Variants in SIRT1 observed in about 807,000 individuals in gnomAD.
SIRT1 encodes NAD-dependent protein deacetylase sirtuin-1.
SIRT1 carries 24 observed loss-of-function variants against 67.9 expected under a neutral mutation model. That is an observed-to-expected ratio of 0.35 (90% CI 0.26 to 0.50). The LOEUF (loss-of-function observed/expected upper bound fraction) is 0.50. Among genes scored for constraint, SIRT1 ranks in the 20% least tolerant of loss-of-function variants. The probability of loss-of-function intolerance (pLI) is 0.98; values close to 1 mark genes in which losing one functional copy is unlikely to be tolerated. For missense variants in SIRT1, 873 were observed against 937.2 expected (o/e 0.93, Z 0.89); for synonymous variants, 378 against 350.7 (o/e 1.08, Z -0.87).
At chr10:67,889,190 A>G in intron 3 of SIRT1, 67 bp downstream of exon 3, 1 of 1,481,286 alleles carries the variant, frequency 6.8e-7, no homozygotes, top group Non-Finnish European at 9.0e-7. Context: ...AGTAGGAAAC[A>G]TTTTTCTGGT....
In SIRT1 at chr10:67,917,781, T is replaced by C. The variant is rs2029968763; in HGVS notation, c.*1188T>C. On this transcript the variant is annotated 3_prime_UTR_variant, in exon 9 of 9. Transcript: ENST00000212015. ...ATGAATGAAACTAGTTCTTATAATT[T>C]ATCTTTATTTAAAAGCTTAGCCTGC... 1 of 152,754 alleles carries C rather than the reference T, an allele frequency of 6.5e-6. No homozygotes were observed. The highest frequency in any genetic ancestry group is 2.4e-5 in the African/African-American group (1 of 41,588). The allele number at this position is 152,754 out of a possible 1,614,324, so 9.5% of individuals were successfully genotyped here. A position where few individuals can be genotyped will look rare whatever the true frequency, so the allele number is the denominator to read the frequency against.
intron 5 of SIRT1, 142 bp from the exon 6 acceptor site, chr10:67,907,904 G>A: frequency 1.6e-6 from 1 of 624,312 alleles, no homozygotes; most frequent in Non-Finnish European, 2.7e-6. Flanking sequence ...GTGTTCTGAG[G>A]TTTAAAATCA....
intron 4 of SIRT1, among the ~76,000 whole-genome samples, chr10:67,894,062 C>T (rs560557669): frequency 6.6e-6 from 1 of 152,294 alleles, no homozygotes; most frequent in South Asian, 2.1e-4. Context: ...ATCTCTTGAA[C>T]TCCGGAGTTT....
chr10:67,915,602 T>C (rs2029886215), intron 8 of SIRT1, among the ~76,000 whole-genome samples: 1 of 152,218 alleles, frequency 6.6e-6, no homozygotes, highest in Non-Finnish European at 1.5e-5. Flanking sequence ...TACTGTAGAT[T>C]CACAGTGTCT....
rs143151381 is a variant in SIRT1, at chr10:67,909,207, G to A, written c.1171-49G>A. Reference sequence around the variant, plus strand: ...TGGAAATGTTGACTATTTCTAACTTGGGCTTACTCTTTGCTTCTCTACCTC... The same window carrying A: ...TGGAAATGTTGACTATTTCTAACTTAGGCTTACTCTTTGCTTCTCTACCTC... On this transcript the variant is annotated intron_variant, in intron 6 of 8. Coordinates refer to ENST00000212015, the MANE Select transcript of SIRT1 (RefSeq NM_012238.5). 4.7e-6 allele frequency: 6 copies of A among 1,266,148 alleles called. No individual in the cohort carries two copies. In the East Asian group the frequency reaches 1.2e-4, roughly 26 times the overall value. The allele number at this position is 1,266,148 out of a possible 1,614,324, so 78.4% of individuals were successfully genotyped here. A position where few individuals can be genotyped will look rare whatever the true frequency, so the allele number is the denominator to read the frequency against.
At chr10:67,898,861 C>T (rs1257683301) in intron 4 of SIRT1, among the ~76,000 whole-genome samples, 1 of 152,098 alleles carries the variant, frequency 6.6e-6, no homozygotes, top group Non-Finnish European at 1.5e-5. Context: ...GGCTGTTTTA[C>T]TTTGCTTTCA....
chr10:67,899,124 T>TA (rs1332616204), intron 4 of SIRT1, among the ~76,000 whole-genome samples: 3 of 152,082 alleles, frequency 2.0e-5, no homozygotes, highest in Admixed American at 6.6e-5. Context: ...AGTCTCCTGA[T>TA]ATGTTTTGTC....
At chr10:67,902,625 C>G (rs1200606805) in intron 4 of SIRT1, among the ~76,000 whole-genome samples, 3 of 152,164 alleles carry the variant, frequency 2.0e-5, no homozygotes, top group Admixed American at 2.0e-4. Flanking sequence ...TGAGGACTCT[C>G]CTTAGCAGGA....
intron 3 of SIRT1, among the ~76,000 whole-genome samples, chr10:67,889,819 T>G (rs1427845392): frequency 1.3e-5 from 2 of 152,174 alleles, no homozygotes; most frequent in African/African-American, 4.8e-5. Flanking sequence ...ACAAGTTTGT[T>G]TAACTTAAAT....
chr10:67,898,539 A>G lies in SIRT1; in HGVS notation c.942+6985A>G, dbSNP rs562338766. On this transcript the variant is annotated intron_variant, in intron 4 of 8. Coordinates refer to ENST00000212015, the MANE Select transcript of SIRT1 (RefSeq NM_012238.5). ...TCTAGAACAAGCTTATTAAAAATCA[A>G]CGTCAGTAAAAAGAAAATAGATGGT... is the stretch of plus-strand genomic sequence containing the variant. Among the ~76,000 whole-genome samples, 27 of 152,298 alleles carry G rather than the reference A, an allele frequency of 1.8e-4. No individual in the cohort carries two copies. In the East Asian group the frequency reaches 5.0e-3, roughly 28 times the overall value.
intron 4 of SIRT1, among the ~76,000 whole-genome samples, chr10:67,904,132 T>TGG (rs1564889896): frequency 3.9e-5 from 5 of 127,888 alleles, no homozygotes; most frequent in Admixed American, 3.7e-4. Flanking sequence ...TGTTTGTTTT[T>TGG]TTTTTTTTTT....
At chr10:67,907,952 A>G in intron 5 of SIRT1, 94 bp from the exon 6 acceptor site, 2 of 1,063,436 alleles carry the variant, frequency 1.9e-6, no homozygotes, top group Non-Finnish European at 2.8e-6. Context: ...AAACCCTCTT[A>G]ACATTTGTGA....
At chr10:67,886,895 G>A (rs562744621) in intron 1 of SIRT1, among the ~76,000 whole-genome samples, 15 of 151,014 alleles carry the variant, frequency 9.9e-5, no homozygotes, top group Admixed American at 8.6e-4. Flanking sequence ...TTAAAAGGTG[G>A]AGTTTCGCTC....
At position 67,895,738 on chromosome 10, in the gene SIRT1, T is replaced by TTG. The variant is rs1483720283; in HGVS notation, c.942+4185_942+4186insGT. On this transcript the variant is annotated intron_variant, in intron 4 of 8. Coordinates refer to ENST00000212015, the MANE Select transcript of SIRT1 (RefSeq NM_012238.5). ...TGATTATTGAGAATTAACTTGTTTT[T>TTG]TTTTTTTTTGTTTTTTTTTTTTGAG... Among the ~76,000 whole-genome samples the TTG allele has an allele frequency of 4.6e-5, 4 of 86,274 alleles. 1 individual carries two copies. The highest frequency in any genetic ancestry group is 9.2e-5 in the African/African-American group (2 of 21,798). The allele number at this position is 86,274 out of a possible 152,430, so 56.6% of individuals were successfully genotyped here.
chr10:67,899,239 T>A (rs919601779), intron 4 of SIRT1, among the ~76,000 whole-genome samples: 1 of 151,868 alleles, frequency 6.6e-6, no homozygotes, highest in Non-Finnish European at 1.5e-5. Flanking sequence ...TTTGGCTGAT[T>A]TATCATGCCA....
chr10:67,905,869 C>T (rs1156675831), intron 4 of SIRT1, among the ~76,000 whole-genome samples: 1 of 152,172 alleles, frequency 6.6e-6, no homozygotes, highest in African/African-American at 2.4e-5. Flanking sequence ...CTACATATTC[C>T]ACTATTATGG....
chr10:67,893,827 G>A (rs1842611640), intron 4 of SIRT1, among the ~76,000 whole-genome samples: 1 of 152,204 alleles, frequency 6.6e-6, no homozygotes, highest in Non-Finnish European at 1.5e-5. Context: ...ACAGGTGCGA[G>A]GCACCGCGCC....
chr10:67,907,858 C>G (rs1589081565), intron 5 of SIRT1, among the ~76,000 whole-genome samples, 188 bp from the exon 6 acceptor site: 1 of 152,142 alleles, frequency 6.6e-6, no homozygotes, highest in South Asian at 2.1e-4. Flanking sequence ...TCTTCATCCC[C>G]TAGATTCTCC....
Position 67,912,714 on chromosome 10 carries a change from A to G in SIRT1, c.1598A>G (p.His533Arg). 2 of 1,614,174 alleles carry G rather than the reference A, an allele frequency of 1.2e-6. No homozygotes were observed. The highest frequency in any genetic ancestry group is 1.7e-6 in the Non-Finnish European group (2 of 1,180,042). ...YLSELPPTPL[H>R]VSEDSSSPER... Reference sequence around the variant, plus strand: ...TCAGAGTTGCCACCCACACCTCTTCATGTTTCAGAAGACTCAAGTTCACCA... The same window carrying G: ...TCAGAGTTGCCACCCACACCTCTTCGTGTTTCAGAAGACTCAAGTTCACCA... The change falls in exon 8 of 9, where the codon CAT becomes CGT. Residue 533 changes from histidine to arginine, a missense_variant. By Grantham distance (29) the His-to-Arg change is conservative (BLOSUM62 0). Coordinates refer to ENST00000212015, the MANE Select transcript of SIRT1 (RefSeq NM_012238.5).
Sources: allele counts gnomAD v4.1 joint callset (sites outside exome capture counted in the v4.1 genomes callset), GRCh38; gene constraint gnomAD v4.1.1; transcripts MANE v1.5; gene names NCBI Gene and HGNC (gene_info 2026-07-23, HGNC 2026-07-21).